Variants in TBC1D12 observed in about 807,000 individuals in gnomAD.
TBC1D12 encodes TBC1 domain family, member 12.
Under a neutral mutation model 86.7 loss-of-function variants are expected in TBC1D12, and 56 were observed. The observed-to-expected ratio is 0.65, with a 90% CI of 0.52 to 0.81. The LOEUF (loss-of-function observed/expected upper bound fraction) is 0.81. Ranked by LOEUF, TBC1D12 falls within the 30% of genes least tolerant of loss-of-function variation. TBC1D12 has a pLI of 0.00. For synonymous variants in TBC1D12, 421 were observed against 411.7 expected (o/e 1.02, Z -0.27); for missense variants, 1,023 against 1,038.8 (o/e 0.98, Z 0.21).
At chr10:94,523,561 T>A (rs993859339) in intron 11 of TBC1D12, among the ~76,000 whole-genome samples, 71 of 152,278 alleles carry the variant, frequency 4.7e-4, no homozygotes, top group African/African-American at 1.3e-3. Flanking sequence ...AAATTTTTTT[T>A]AAAAATGTAA....
chr10:94,467,640 C>T (rs1392839670), intron 2 of TBC1D12, among the ~76,000 whole-genome samples: 5 of 139,042 alleles, frequency 3.6e-5, no homozygotes, highest in African/African-American at 1.3e-4. Context: ...TTAAATGAAT[C>T]TGGCCACTCC....
chr10:94,402,644 T>C lies in TBC1D12; in HGVS notation c.31T>C (p.Ser11Pro). 6.2e-7 allele frequency: 1 copy of C among 1,611,686 alleles called. No individual in the cohort carries two copies. Among genetic ancestry groups the C allele is most frequent in the Non-Finnish European group, 8.5e-7 (1 of 1,179,578 alleles). MVGPEDAGAC[S>P]GRNPKLLPVP... ...GGGTCCGGAGGATGCCGGAGCCTGC[T>C]CGGGAAGAAACCCCAAGTTGCTCCC... The change falls in exon 1 of 13, where the codon TCG (serine) becomes CCG (proline). Residue 11 changes from serine (S) to proline (P), a missense_variant. Around this residue, in one of 2 missense-constraint regions of TBC1D12, gnomAD observed 628 missense variants for 531.1 expected, o/e 1.18. Transcript: ENST00000225235.
intron 11 of TBC1D12, among the ~76,000 whole-genome samples, chr10:94,525,516 A>T (rs1013490985): frequency 4.0e-5 from 6 of 151,760 alleles, no homozygotes; most frequent in African/African-American, 1.5e-4. Flanking sequence ...AGGCACGAGA[A>T]TTGCTTGAAC....
chr10:94,415,420 C>T (rs967464265), intron 1 of TBC1D12, among the ~76,000 whole-genome samples: 4 of 152,114 alleles, frequency 2.6e-5, no homozygotes, highest in Non-Finnish European at 4.4e-5. Context: ...GTTTTGGTCA[C>T]CAAAATTTTT....
rs2055260111 is a variant in TBC1D12, at chr10:94,434,180, A to G, written c.972-7716A>G. On this transcript the variant is annotated intron_variant, in intron 1 of 12. Coordinates refer to ENST00000225235, the MANE Select transcript of TBC1D12 (RefSeq NM_015188.2). ...ATGCCCAATGCAGTGTAGGCAGAGG[A>G]TAAATTGATAGCTCCTCAGCTATGG... is the stretch of plus-strand genomic sequence containing the variant. Among the ~76,000 whole-genome samples, 3 of 152,190 alleles carry G rather than the reference A, an allele frequency of 2.0e-5. No homozygotes were observed. The South Asian group carries it at 6.2e-4, about 32-fold the overall frequency.
chr10:94,447,057 C>CAA (rs35395527), intron 2 of TBC1D12, among the ~76,000 whole-genome samples: 3,726 of 100,052 alleles, frequency 0.037, 76 homozygotes, highest in Middle Eastern at 0.061. Flanking sequence ...TGAGCTGTTT[C>CAA]AAAAAAAAAA....
chr10:94,531,122 C>CT (rs1420929466), intron 11 of TBC1D12, 80 bp from the exon 12 acceptor site: 4 of 1,483,088 alleles, frequency 2.7e-6, no homozygotes, highest in African/African-American at 2.8e-5. Context: ...AAACACTGTT[C>CT]TTTTTTTATA....
chr10:94,467,979 GCAGACC>G (rs2055849455), intron 2 of TBC1D12, among the ~76,000 whole-genome samples: 1 of 152,144 alleles, frequency 6.6e-6, no homozygotes, highest in African/African-American at 2.4e-5. Context: ...CTCTGACTTT[GCAGACC>G]CCATGAAAGC....
At chr10:94,454,645 T>G (rs2055599113) in intron 2 of TBC1D12, among the ~76,000 whole-genome samples, 1 of 152,256 alleles carries the variant, frequency 6.6e-6, no homozygotes, top group South Asian at 2.1e-4. Context: ...AGTATTTCAT[T>G]TTTATGGTAA....
chr10:94,496,962 G>T, intron 4 of TBC1D12, 93 bp from the exon 5 acceptor site: 4 of 601,234 alleles, frequency 6.7e-6, no homozygotes, highest in Non-Finnish European at 7.8e-6. Flanking sequence ...TATTCTTTTT[G>T]AGAAAGTCTA....
intron 1 of TBC1D12, among the ~76,000 whole-genome samples, chr10:94,426,492 A>T (rs2055148108): frequency 6.6e-6 from 1 of 152,102 alleles, no homozygotes; most frequent in African/African-American, 2.4e-5. Context: ...ATGACTTTCA[A>T]GTGTTGAATG....
At chr10:94,418,990 T>G (rs2055039430) in intron 1 of TBC1D12, among the ~76,000 whole-genome samples, 1 of 151,974 alleles carries the variant, frequency 6.6e-6, no homozygotes, top group South Asian at 2.1e-4. Context: ...TTCTCCTGCC[T>G]CAGCCTCCCG....
chr10:94,462,181 A>G (rs1372344216), intron 2 of TBC1D12, among the ~76,000 whole-genome samples: 2 of 152,078 alleles, frequency 1.3e-5, no homozygotes, highest in South Asian at 2.1e-4. Context: ...GATTGTTTCT[A>G]TTTTCTGAAA....
chr10:94,495,105 C>T (rs1439666897), intron 4 of TBC1D12, among the ~76,000 whole-genome samples: 1 of 151,748 alleles, frequency 6.6e-6, no homozygotes, highest in East Asian at 1.9e-4. Context: ...CTCACTGTGA[C>T]CTCCGCTGCC....
intron 3 of TBC1D12, among the ~76,000 whole-genome samples, chr10:94,488,080 T>G (rs4351744): frequency 0.47 from 71,337 of 151,778 alleles, 17,056 homozygotes; most frequent in East Asian, 0.73. Flanking sequence ...TTGGTTCATC[T>G]TTTAATCTTT....
intron 2 of TBC1D12, among the ~76,000 whole-genome samples, chr10:94,449,337 G>A (rs1431130425): frequency 2.0e-5 from 3 of 151,996 alleles, no homozygotes; most frequent in Non-Finnish European, 4.4e-5. Context: ...AGTTTACTAC[G>A]GTACTCTTAT....
intron 1 of TBC1D12, among the ~76,000 whole-genome samples, chr10:94,426,318 A>G (rs2134068839): frequency 6.6e-6 from 1 of 152,048 alleles, no homozygotes; most frequent in Middle Eastern, 3.4e-3. Context: ...TTTTATCTTT[A>G]TGTTTTGGTA....
chr10:94,495,477 AGTTTTT>A (rs1304527606), intron 4 of TBC1D12, among the ~76,000 whole-genome samples: 1 of 152,180 alleles, frequency 6.6e-6, no homozygotes, highest in Non-Finnish European at 1.5e-5. Flanking sequence ...GCTCCAGTTA[AGTTTTT>A]ATTAATTTTA....
At chr10:94,531,735 TTA>T (rs1429508276) in intron 12 of TBC1D12, among the ~76,000 whole-genome samples, 1 of 145,978 alleles carries the variant, frequency 6.9e-6, no homozygotes, top group African/African-American at 2.5e-5. Context: ...TTATTTTATG[TTA>T]TGTTATTTTA....
Sources: allele counts gnomAD v4.1 joint callset (sites outside exome capture counted in the v4.1 genomes callset), GRCh38; gene constraint gnomAD v4.1.1; regional missense constraint gnomAD v4.1.1; transcripts MANE v1.5; gene names NCBI Gene and HGNC (gene_info 2026-07-23, HGNC 2026-07-21).